The following WWP1 variants were observed in gnomAD, a reference collection of about 807,000 sequenced individuals.
WWP1 encodes WW domain containing E3 ubiquitin protein ligase 1.
A neutral mutation model predicts 130.6 loss-of-function variants in WWP1; 49 were observed. That is an observed-to-expected ratio of 0.38 (90% CI 0.30 to 0.48). The LOEUF is 0.48. WWP1 is among the 20% of genes least tolerant of loss of function. The pLI is 0.99. For synonymous variants in WWP1, 332 were observed against 367.8 expected, an observed-to-expected ratio of 0.90 and a Z score of 1.11; for missense variants, 809 against 1,100.6, an observed-to-expected ratio of 0.74 and a Z score of 3.75.
Position 86,431,430 on chromosome 8 carries a change from G to A in WWP1, c.1412G>A (p.Arg471Lys). The change falls in exon 13 of 25, where the codon AGG becomes AAG. Residue 471 changes from arginine to lysine, a missense_variant. Around this residue, in one of 3 missense-constraint regions of WWP1, gnomAD observed 450 missense variants for 674.2 expected, o/e 0.67. Transcript: ENST00000517970. ...GWEKRVDSTD[R>K]VYFVNHNTKT... ...GAAAAAAGAGTGGATTCAACAGACA[G>A]GGTTTACTTTGTGAATCATAACACA... The A allele has an allele frequency of 6.2e-7, 1 of 1,607,492 alleles. No individual in the cohort carries two copies. The highest frequency in any genetic ancestry group is 8.5e-7 in the Non-Finnish European group (1 of 1,176,610).
At chr8:86,404,076 C>T (rs1172917693) in intron 8 of WWP1, among the ~76,000 whole-genome samples, 1 of 152,146 alleles carries the variant, frequency 6.6e-6, no homozygotes, top group South Asian at 2.1e-4. Context: ...CTGAAATGCT[C>T]CAAAATCTGA....
intron 10 of WWP1, among the ~76,000 whole-genome samples, chr8:86,427,428 T>C (rs1452858039): frequency 3.3e-5 from 5 of 152,058 alleles, no homozygotes; most frequent in African/African-American, 4.8e-5. Flanking sequence ...CAAACTCTTG[T>C]AGTGCAGGAC....
At chr8:86,353,910 C>T (rs1341650281) in intron 1 of WWP1, among the ~76,000 whole-genome samples, 3 of 152,064 alleles carry the variant, frequency 2.0e-5, no homozygotes, top group Non-Finnish European at 4.4e-5. Flanking sequence ...AAGTGAATAC[C>T]GAACAGAACG....
chr8:86,442,752 T>C lies in WWP1; in HGVS notation c.1972T>C (p.Cys658Arg), dbSNP rs142758930. 14 of 1,609,690 alleles carry C rather than the reference T, an allele frequency of 8.7e-6. No individual in the cohort carries two copies. The African/African-American group carries it at 1.6e-4, about 18-fold the overall frequency. ...TAATCCAGACCATCTTTCATACTTC[T>C]GTTTCATTGGTCGTTTTATTGCCAT... is the stretch of plus-strand genomic sequence containing the variant. ...TINPDHLSYF[C>R]FIGRFIAMAL... Residue 658 changes from cysteine (C) to arginine (R), a missense_variant, in exon 18 of 25, where the codon TGT (cysteine) becomes CGT (arginine). Coordinates refer to ENST00000517970, the MANE Select transcript of WWP1 (RefSeq NM_007013.4).
chr8:86,411,793 C>A lies in WWP1; in HGVS notation c.980C>A (p.Ala327Asp). 1 of 1,614,140 alleles carries A rather than the reference C, an allele frequency of 6.2e-7. No individual in the cohort carries two copies. The highest frequency in any genetic ancestry group is 8.5e-7 in the Non-Finnish European group (1 of 1,180,026). Residue 327 changes from alanine (A) to aspartate (D), a missense_variant, in exon 9 of 25, where the codon GCC becomes GAC. Transcript: ENST00000517970. Reference sequence around the variant, plus strand: ...AGAAGTAGTTCTGCTTTTGAAGCAGCCAAATCAAGACAGCCAGATGGGTGT... The same window carrying A: ...AGAAGTAGTTCTGCTTTTGAAGCAGACAAATCAAGACAGCCAGATGGGTGT... The part of the protein sequence containing the change: ...NSRSSSAFEA[A>D]KSRQPDGCMD...
At chr8:86,422,444 C>G (rs1419593362) in intron 9 of WWP1, among the ~76,000 whole-genome samples, 1 of 151,852 alleles carries the variant, frequency 6.6e-6, no homozygotes, top group African/African-American at 2.4e-5. Context: ...ACTGCAACCT[C>G]TACCTCCTGG....
At chr8:86,409,023 GT>G (rs1229132203) in intron 8 of WWP1, among the ~76,000 whole-genome samples, 1 of 151,860 alleles carries the variant, frequency 6.6e-6, no homozygotes, top group Non-Finnish European at 1.5e-5. Flanking sequence ...TTCTAATGGG[GT>G]TTTTAAAAAA....
rs555585296 is a variant in WWP1 at position 86,370,855 on chromosome 8, C to CTTTTTTTTTTTTTTTTTT, written c.-22+1835_-22+1852dup. 2.2e-4 allele frequency among the ~76,000 whole-genome samples: 10 copies of CTTTTTTTTTTTTTTTTTT among 44,862 alleles called. 3 individuals are homozygous for CTTTTTTTTTTTTTTTTTT. The highest frequency in any genetic ancestry group is 3.4e-4 in the Non-Finnish European group (9 of 26,204). 29.4% of individuals were successfully genotyped at this position (44,862 alleles called of 152,430 possible). On this transcript the variant is annotated intron_variant, in intron 2 of 24. Transcript: ENST00000517970. ...GGTATTGCTTATAGCTATATTCATT[C>CTTTTTTTTTTTTTTTTTT]TTTTTTTTTTTTTTTTTTTTTTTTT...
intron 8 of WWP1, among the ~76,000 whole-genome samples, chr8:86,407,928 T>A (rs891690930): frequency 6.6e-6 from 1 of 152,212 alleles, no homozygotes; most frequent in African/African-American, 2.4e-5. Flanking sequence ...CATTACCTTA[T>A]ATTAACTAAT....
Position 86,452,712 on chromosome 8 carries a change from TG to T in WWP1, c.2394+34del, listed in dbSNP as rs773451526. On this transcript the variant is annotated intron_variant, in intron 21 of 24. Transcript: ENST00000517970. ...CCTTTTATTATGCTATTGTAGGGAA[TG>T]TTAGTGGGGGGAGGGACTAATTTAG... is the stretch of plus-strand genomic sequence containing the variant. The T allele has an allele frequency of 2.5e-6, 4 of 1,607,262 alleles. No homozygotes were observed. The Admixed American group carries it at 5.2e-5, about 21-fold the overall frequency.
At chr8:86,430,008 C>T (rs1809847447) in intron 11 of WWP1, among the ~76,000 whole-genome samples, 1 of 152,106 alleles carries the variant, frequency 6.6e-6, no homozygotes, top group South Asian at 2.1e-4. Context: ...AGACCAGCCT[C>T]AGAAACATGG....
chr8:86,380,255 A>C (rs1006205785), intron 3 of WWP1, among the ~76,000 whole-genome samples: 15 of 152,174 alleles, frequency 9.9e-5, no homozygotes, highest in African/African-American at 1.4e-4. Context: ...GTCACAAAAA[A>C]AACCCACATT....
At chr8:86,361,355 A>G (rs1393350995) in intron 1 of WWP1, among the ~76,000 whole-genome samples, 1 of 152,106 alleles carries the variant, frequency 6.6e-6, no homozygotes, top group Non-Finnish European at 1.5e-5. Context: ...CTGCTCCTCA[A>G]TACCTCTGCT....
intron 20 of WWP1, among the ~76,000 whole-genome samples, chr8:86,451,790 T>TGCTG (rs1198979747): frequency 6.6e-6 from 1 of 152,202 alleles, no homozygotes; most frequent in Non-Finnish European, 1.5e-5. Flanking sequence ...TTTAGGTAGT[T>TGCTG]CTTTTCAGAT....
At chr8:86,435,378 C>T (rs1284343143) in intron 14 of WWP1, 74 bp from the exon 15 acceptor site, 2 of 1,489,460 alleles carry the variant, frequency 1.3e-6, no homozygotes, top group Admixed American at 1.8e-5. Flanking sequence ...CTTTAGTACA[C>T]TCTGATTTTA....
intron 1 of WWP1, among the ~76,000 whole-genome samples, chr8:86,360,892 T>G (rs1432971065): frequency 6.6e-6 from 1 of 152,158 alleles, no homozygotes; most frequent in African/African-American, 2.4e-5. Flanking sequence ...AGTTGAGTTC[T>G]AAGACTGAGA....
At chr8:86,380,642 C>A in intron 3 of WWP1, 84 bp from the exon 4 acceptor site, 1 of 1,387,892 alleles carries the variant, frequency 7.2e-7, no homozygotes, top group Non-Finnish European at 9.5e-7. Flanking sequence ...GCACAAGAAG[C>A]ACAATTCCAT....
chr8:86,357,893 C>A (rs564932169), intron 1 of WWP1, among the ~76,000 whole-genome samples: 2 of 152,292 alleles, frequency 1.3e-5, no homozygotes, highest in Admixed American at 1.3e-4. Flanking sequence ...TTGGCTGTTA[C>A]AGTACCAGTG....
chr8:86,430,622 C>T (rs1809884704), intron 11 of WWP1, 75 bp from the exon 12 acceptor site: 3 of 1,225,722 alleles, frequency 2.4e-6, no homozygotes, highest in African/African-American at 3.1e-5. Flanking sequence ...GATTCTGCCA[C>T]ATGCTTGGCT....
Sources: allele counts gnomAD v4.1 joint callset (sites outside exome capture counted in the v4.1 genomes callset), GRCh38; gene constraint gnomAD v4.1.1; regional missense constraint gnomAD v4.1.1; transcripts MANE v1.5; gene names NCBI Gene and HGNC (gene_info 2026-07-23, HGNC 2026-07-21).